Variants in EFR3A observed in about 807,000 individuals in gnomAD.
The protein encoded by EFR3A is EFR3 homolog A.
In EFR3A, 76 loss-of-function variants were observed where a neutral mutation model predicts 104.4. The observed-to-expected ratio is 0.73, with a 90% confidence interval of 0.60 to 0.88. EFR3A has a LOEUF of 0.88. EFR3A is among the 40% of genes least tolerant of loss of function. The probability of loss-of-function intolerance (pLI) is 0.00; values close to 1 mark genes in which losing one functional copy is unlikely to be tolerated. For synonymous variants in EFR3A, 330 were observed against 330.0 expected (o/e 1.00, Z 0.00); for missense variants, 985 against 1,012.5 (o/e 0.97, Z 0.37).
intron 1 of EFR3A, among the ~76,000 whole-genome samples, chr8:131,936,813 C>A (rs1373902910): frequency 6.6e-6 from 1 of 152,106 alleles, no homozygotes; most frequent in Non-Finnish European, 1.5e-5. Context: ...TATATTTGCT[C>A]CAGGTAAGTC....
intron 14 of EFR3A, among the ~76,000 whole-genome samples, chr8:131,981,317 CTA>C (rs1469366448): frequency 6.6e-6 from 1 of 151,954 alleles, no homozygotes; most frequent in Non-Finnish European, 1.5e-5. Flanking sequence ...CAAGATTAGA[CTA>C]TTATTTCATG....
chr8:132,009,230 T>C (rs1432962521), intron 22 of EFR3A, among the ~76,000 whole-genome samples: 1 of 152,082 alleles, frequency 6.6e-6, no homozygotes. Context: ...ATATAAGACT[T>C]ACATGAAGAA....
intron 22 of EFR3A, among the ~76,000 whole-genome samples, chr8:132,006,409 AT>A (rs1343925723): frequency 2.6e-5 from 4 of 151,982 alleles, no homozygotes; most frequent in African/African-American, 9.7e-5. Context: ...GTTATACACA[AT>A]TTTATGACAA....
intron 1 of EFR3A, among the ~76,000 whole-genome samples, chr8:131,927,099 T>C (rs1235380292): frequency 6.6e-6 from 1 of 152,172 alleles, no homozygotes; most frequent in Non-Finnish European, 1.5e-5. Flanking sequence ...GAGGAGCTTA[T>C]AGACCTCTGA....
rs1480015293 is a variant in EFR3A at position 131,987,462 on chromosome 8, A to G, written c.1938-113A>G. On this transcript the variant is annotated intron_variant, in intron 17 of 22. Coordinates refer to ENST00000254624, the MANE Select transcript of EFR3A (RefSeq NM_015137.6). ...TGATTTTTCTGCTACTACAGTTTAC[A>G]TTGTGTTTATATTTAGAATATTGAG... The G allele has an allele frequency of 3.3e-6, 4 of 1,196,524 alleles. No individual in the cohort carries two copies. The African/African-American group carries it at 4.7e-5, about 14-fold the overall frequency. The allele number at this position is 1,196,524 out of a possible 1,614,324, so 74.1% of individuals were successfully genotyped here.
At chr8:131,990,403 A>G (rs1821112003) in intron 18 of EFR3A, among the ~76,000 whole-genome samples, 2 of 152,180 alleles carry the variant, frequency 1.3e-5, no homozygotes, top group African/African-American at 4.8e-5. Flanking sequence ...CTCTAAGATG[A>G]GCTTGAAACA....
In EFR3A at chr8:131,955,644, A is replaced by G. The variant is rs544267400; in HGVS notation, c.639-124A>G. The G allele has an allele frequency of 4.5e-4, 424 of 940,796 alleles. 1 individual carries two copies. The African/African-American group carries it at 6.3e-3, about 14-fold the overall frequency. The allele number at this position is 940,796 out of a possible 1,614,324, so 58.3% of individuals were successfully genotyped here. On this transcript the variant is annotated intron_variant, in intron 6 of 22. Transcript: ENST00000254624. ...AAATTCATGAAATTAGAATTAAGCT[A>G]TATATTTTCTGGAGTATAAAAAGAA... is the stretch of plus-strand genomic sequence containing the variant.
rs187359922 is a variant in EFR3A, at chr8:131,967,106, C to T, written c.856-1189C>T. On this transcript the variant is annotated intron_variant, in intron 8 of 22. Transcript: ENST00000254624. Reference sequence around the variant, plus strand: ...TTGCACAAGGTTCACACATCAGAAGCATGCAGCTTCCTGGACAAGAAGTTC... The same window carrying T: ...TTGCACAAGGTTCACACATCAGAAGTATGCAGCTTCCTGGACAAGAAGTTC... Among the ~76,000 whole-genome samples the T allele has an allele frequency of 6.7e-3, 1,014 of 152,280 alleles. 4 individuals carry two copies. Among genetic ancestry groups the T allele is most frequent in the Middle Eastern group, 0.017 (5 of 294 alleles).
chr8:131,957,031 AG>A (rs1391369135), intron 7 of EFR3A, among the ~76,000 whole-genome samples: 1 of 152,184 alleles, frequency 6.6e-6, no homozygotes. Context: ...GTTGTACTTG[AG>A]TTGAATAACT....
chr8:131,935,902 A>G (rs897593985), intron 1 of EFR3A, among the ~76,000 whole-genome samples: 4 of 151,896 alleles, frequency 2.6e-5, no homozygotes, highest in Non-Finnish European at 5.9e-5. Flanking sequence ...CCAAATTTAT[A>G]GAGTTGCATA....
At chr8:131,922,727 C>T (rs1373256943) in intron 1 of EFR3A, among the ~76,000 whole-genome samples, 2 of 152,150 alleles carry the variant, frequency 1.3e-5, no homozygotes, top group African/African-American at 4.8e-5. Flanking sequence ...TCCCACTTTC[C>T]TGCATGTTAA....
chr8:131,961,432 G>T (rs1294294690), intron 8 of EFR3A, among the ~76,000 whole-genome samples: 1 of 152,200 alleles, frequency 6.6e-6, no homozygotes, highest in African/African-American at 2.4e-5. Flanking sequence ...TTCAGTAGCC[G>T]ATTCGATCAA....
chr8:131,978,538 T>C (rs1006944516), intron 12 of EFR3A, among the ~76,000 whole-genome samples: 2 of 152,194 alleles, frequency 1.3e-5, no homozygotes, highest in African/African-American at 4.8e-5. Context: ...TTTCTCCTTA[T>C]GAATGGCGAT....
chr8:131,977,174 G>A (rs769882685), intron 12 of EFR3A, 82 bp downstream of exon 12: 28 of 982,572 alleles, frequency 2.8e-5, no homozygotes, highest in Admixed American at 1.2e-4. Flanking sequence ...TGTTACAACC[G>A]TTCTTTCTTA....
At chr8:131,939,808 A>G (rs1185282203) in intron 1 of EFR3A, 1 of 152,190 alleles carries the variant, frequency 6.6e-6, no homozygotes, top group Non-Finnish European at 1.5e-5. Flanking sequence ...ATGTTGATCT[A>G]AAGTATTTTT....
intron 1 of EFR3A, among the ~76,000 whole-genome samples, chr8:131,936,564 A>G (rs779359080): frequency 2.0e-5 from 3 of 151,862 alleles, no homozygotes; most frequent in Non-Finnish European, 4.4e-5. Flanking sequence ...CTCTCTCTCA[A>G]GATGCCAGTT....
chr8:132,000,330 A>G (rs903568271), intron 19 of EFR3A, among the ~76,000 whole-genome samples: 1 of 151,976 alleles, frequency 6.6e-6, no homozygotes, highest in Non-Finnish European at 1.5e-5. Context: ...GGGTTTCACC[A>G]TGTTTGCCAG....
intron 1 of EFR3A, chr8:131,938,253 C>A: frequency 7.5e-6 from 3 of 397,978 alleles, no homozygotes. Context: ...GTACCTGCAG[C>A]TGAACTCGAA....
intron 1 of EFR3A, among the ~76,000 whole-genome samples, chr8:131,935,150 A>G (rs1817809393): frequency 6.6e-6 from 1 of 152,132 alleles, no homozygotes; most frequent in East Asian, 1.9e-4. Flanking sequence ...TTCATTTGAC[A>G]TTGTCATCTG....
Sources: allele counts gnomAD v4.1 joint callset (sites outside exome capture counted in the v4.1 genomes callset), GRCh38; gene constraint gnomAD v4.1.1; transcripts MANE v1.5; gene names NCBI Gene and HGNC (gene_info 2026-07-23, HGNC 2026-07-21).